The following PLSCR1 variants were observed in gnomAD, a reference collection of about 807,000 sequenced individuals.
The protein encoded by PLSCR1 is phospholipid scramblase 1.
PLSCR1 carries 17 observed loss-of-function variants against 37.8 expected under a neutral mutation model. The ratio of observed to expected loss-of-function variants is 0.45; its 90% CI spans 0.31 to 0.68. The LOEUF (loss-of-function observed/expected upper bound fraction) is 0.68, where lower values mean the gene tolerates loss of function less well. Among genes scored for constraint, PLSCR1 ranks in the 30% least tolerant of loss-of-function variants. The probability of loss-of-function intolerance (pLI) is 0.06; values close to 1 mark genes in which losing one functional copy is unlikely to be tolerated. For missense variants in PLSCR1, 347 were observed against 380.9 expected (o/e 0.91, Z 0.74); for synonymous variants, 116 against 125.9 (o/e 0.92, Z 0.53).
At chr3:146,523,294 G>T (rs1404396225) in intron 5 of PLSCR1, among the ~76,000 whole-genome samples, 3 of 152,224 alleles carry the variant, frequency 2.0e-5, no homozygotes, top group Non-Finnish European at 2.9e-5. Flanking sequence ...TCAGAAGAGA[G>T]ACTTTTCTGC....
intron 1 of PLSCR1, among the ~76,000 whole-genome samples, chr3:146,538,753 G>GA (rs200665568): frequency 1.3e-5 from 2 of 151,442 alleles, no homozygotes; most frequent in African/African-American, 4.9e-5. Context: ...CTACTCAACT[G>GA]AAAAAAATTC....
intron 2 of PLSCR1, among the ~76,000 whole-genome samples, chr3:146,534,607 C>T (rs1000373474): frequency 6.6e-6 from 1 of 152,044 alleles, no homozygotes; most frequent in African/African-American, 2.4e-5. Context: ...TTCATGATGA[C>T]TTCAGCGGAA....
At chr3:146,531,018 A>G (rs1031049204) in intron 3 of PLSCR1, among the ~76,000 whole-genome samples, 1 of 152,222 alleles carries the variant, frequency 6.6e-6, no homozygotes, top group African/African-American at 2.4e-5. Context: ...TAATTGATTC[A>G]TTAGAATTGG....
At chr3:146,533,295 TAATC>T (rs1452966246) in intron 3 of PLSCR1, among the ~76,000 whole-genome samples, 171 bp downstream of exon 3, 2 of 152,088 alleles carry the variant, frequency 1.3e-5, no homozygotes, top group East Asian at 3.9e-4. Flanking sequence ...CAAATAAAAA[TAATC>T]AAGAACAACT....
intron 7 of PLSCR1, 78 bp downstream of exon 7, chr3:146,521,466 G>T: frequency 8.5e-7 from 1 of 1,180,244 alleles, no homozygotes; most frequent in South Asian, 1.4e-5. Flanking sequence ...CTTATTTAAT[G>T]CATTTATAAT....
intron 7 of PLSCR1, chr3:146,520,173 T>C (rs953970057): frequency 1.3e-5 from 2 of 152,118 alleles, no homozygotes; most frequent in Non-Finnish European, 2.9e-5. Flanking sequence ...TACCTTGATA[T>C]CATCATTCTA....
intron 5 of PLSCR1, among the ~76,000 whole-genome samples, chr3:146,522,719 A>T (rs1052677929): frequency 6.6e-6 from 1 of 152,150 alleles, no homozygotes; most frequent in Non-Finnish European, 1.5e-5. Context: ...AAGAGGAAGG[A>T]ACGCGTCTTT....
intron 1 of PLSCR1, among the ~76,000 whole-genome samples, chr3:146,536,997 A>G (rs1279491754): frequency 6.6e-6 from 1 of 152,218 alleles, no homozygotes; most frequent in Non-Finnish European, 1.5e-5. Flanking sequence ...ATGTTCCAGC[A>G]GGAAAGCAAA....
intron 3 of PLSCR1, among the ~76,000 whole-genome samples, chr3:146,532,109 T>C (rs1015359726): frequency 9.2e-5 from 14 of 152,192 alleles, no homozygotes. Context: ...TATGTAATCT[T>C]GGACTTGAGA....
At chr3:146,530,691 C>T (rs1173935528) in intron 3 of PLSCR1, among the ~76,000 whole-genome samples, 2 of 147,290 alleles carry the variant, frequency 1.4e-5, no homozygotes, top group East Asian at 2.0e-4. Flanking sequence ...ATTTGACAGG[C>T]GTAAAAGAGA....
chr3:146,531,693 CTCAG>C (rs535847402), intron 3 of PLSCR1, among the ~76,000 whole-genome samples: 89 of 152,232 alleles, frequency 5.8e-4, no homozygotes, highest in African/African-American at 2.1e-3. Flanking sequence ...AAGCATTGTG[CTCAG>C]TGTTTTACAT....
At chr3:146,533,700 G>A (rs2044230221) in intron 2 of PLSCR1, 150 bp from the exon 3 acceptor site, 1 of 431,298 alleles carries the variant, frequency 2.3e-6, no homozygotes. Flanking sequence ...CGTAAGCTGT[G>A]CCTGTTCTCA....
At chr3:146,516,888 T>A (rs1173474089) in intron 8 of PLSCR1, 118 bp downstream of exon 8, 3 of 718,926 alleles carry the variant, frequency 4.2e-6, no homozygotes, top group East Asian at 3.1e-5. Context: ...TAAATGGGAA[T>A]CCTGATTTAA....
intron 6 of PLSCR1, 46 bp from the exon 7 acceptor site, chr3:146,521,751 T>TAGGTTCGATGAA (rs2044024163): frequency 6.3e-7 from 1 of 1,581,872 alleles, no homozygotes. Flanking sequence ...TCATAATGCC[T>TAGGTTCGATGAA]AGGTTCGATG....
At chr3:146,518,617 G>A (rs1301109370) in intron 7 of PLSCR1, among the ~76,000 whole-genome samples, 1 of 152,120 alleles carries the variant, frequency 6.6e-6, no homozygotes, top group African/African-American at 2.4e-5. Context: ...AAATGCAGCT[G>A]ACAACTTACT....
At chr3:146,533,952 TATC>T (rs1370621819) in intron 2 of PLSCR1, among the ~76,000 whole-genome samples, 1 of 152,188 alleles carries the variant, frequency 6.6e-6, no homozygotes, top group Non-Finnish European at 1.5e-5. Context: ...TAAAGATATC[TATC>T]ATCATTGCTG....
At chr3:146,530,862 ATCTATATC>A (rs1206706510) in intron 3 of PLSCR1, among the ~76,000 whole-genome samples, 2 of 152,218 alleles carry the variant, frequency 1.3e-5, no homozygotes, top group African/African-American at 2.4e-5. Flanking sequence ...CCATGGTCTT[ATCTATATC>A]TTACAAAATT....
At chr3:146,520,176 T>C (rs1432809473) in intron 7 of PLSCR1, 1 of 152,080 alleles carries the variant, frequency 6.6e-6, no homozygotes, top group Admixed American at 6.6e-5. Context: ...CTTGATATCA[T>C]CATTCTAGAT....
chr3:146,519,524 A>C (rs1446876379), intron 7 of PLSCR1, among the ~76,000 whole-genome samples: 1 of 152,090 alleles, frequency 6.6e-6, no homozygotes, highest in Non-Finnish European at 1.5e-5. Context: ...ATTGGATAAA[A>C]GGTCTACTAG....
Sources: allele counts gnomAD v4.1 joint callset (sites outside exome capture counted in the v4.1 genomes callset), GRCh38; gene constraint gnomAD v4.1.1; transcripts MANE v1.5; gene names NCBI Gene and HGNC (gene_info 2026-07-23, HGNC 2026-07-21).